Variants in ISY1 observed in about 807,000 individuals in gnomAD.
ISY1 encodes pre-mRNA-splicing factor ISY1 homolog.
Under a neutral mutation model 54.4 loss-of-function variants are expected in ISY1, and 12 were observed. The observed-to-expected ratio is 0.22, with a 90% confidence interval of 0.14 to 0.36. The LOEUF is 0.36. ISY1 is among the 10% of genes least tolerant of loss of function. The probability of loss-of-function intolerance (pLI) is 1.00; values close to 1 mark genes in which losing one functional copy is unlikely to be tolerated. For missense variants in ISY1, 282 were observed against 342.2 expected (o/e 0.82, Z 1.39); for synonymous variants, 96 against 117.9 (o/e 0.81, Z 1.20).
intron 7 of ISY1, among the ~76,000 whole-genome samples, chr3:129,139,240 T>A (rs2107605697): frequency 6.6e-6 from 1 of 152,224 alleles, no homozygotes; most frequent in African/African-American, 2.4e-5. Context: ...TGGCTATAAC[T>A]CCTCTGTAGT....
intron 7 of ISY1, among the ~76,000 whole-genome samples, chr3:129,138,940 CT>C (rs925183736): frequency 5.1e-4 from 77 of 151,194 alleles, no homozygotes; most frequent in African/African-American, 1.7e-3. Flanking sequence ...TATTTTATAA[CT>C]TTTTTTTGTT....
chr3:129,129,824 A>G lies in ISY1; in HGVS notation c.*257T>C, dbSNP rs561192814. 81 of 343,756 alleles carry G rather than the reference A, an allele frequency of 2.4e-4. No homozygotes were observed. Among genetic ancestry groups the G allele is most frequent in the African/African-American group, 1.6e-3 (75 of 47,602 alleles). The allele number at this position is 343,756 out of a possible 1,614,324, so 21.3% of individuals were successfully genotyped here. On this transcript the variant is annotated 3_prime_UTR_variant, in exon 11 of 11. Coordinates refer to ENST00000393295, the MANE Select transcript of ISY1 (RefSeq NM_020701.4). ...GGCAGTGCAAGTCAAAATAAGACAC[A>G]GGCAGCCAGTTCGCAACCTGTTGTA...
At chr3:129,153,797 A>C (rs940889207) in intron 5 of ISY1, among the ~76,000 whole-genome samples, 1 of 151,916 alleles carries the variant, frequency 6.6e-6, no homozygotes, top group Non-Finnish European at 1.5e-5. Flanking sequence ...AAACAAAACA[A>C]AACAAAACAA....
In ISY1 at chr3:129,129,769, GCCACTAATTGATTCTT is replaced by G. The variant is rs1936186247; in HGVS notation, c.*296_*311del. The G allele has an allele frequency of 4.0e-6, 1 of 251,230 alleles. No individual in the cohort carries two copies. Among genetic ancestry groups the G allele is most frequent in the Admixed American group, 5.5e-5 (1 of 18,278 alleles). The allele number at this position is 251,230 out of a possible 1,614,324, so 15.6% of individuals were successfully genotyped here. On this transcript the variant is annotated 3_prime_UTR_variant, in exon 11 of 11. Coordinates refer to ENST00000393295, the MANE Select transcript of ISY1 (RefSeq NM_020701.4). The stretch of plus-strand genomic sequence containing the variant: ...CAAAAAATTGCATTTTTAAATGTTT[GCCACTAATTGATTCTT>G]CTCCCCTCAAAATGGCAGTGCAAGT...
intron 5 of ISY1, among the ~76,000 whole-genome samples, chr3:129,146,298 A>C (rs1166232392): frequency 6.6e-6 from 1 of 152,152 alleles, no homozygotes; most frequent in Admixed American, 6.6e-5. Context: ...TCAGGAAAGC[A>C]ATGTATTGCT....
intron 7 of ISY1, among the ~76,000 whole-genome samples, chr3:129,139,101 T>A (rs1936527533): frequency 6.6e-6 from 1 of 151,480 alleles, no homozygotes; most frequent in Admixed American, 6.6e-5. Flanking sequence ...GCCCAGCTAA[T>A]TTTTTTTGTA....
At chr3:129,136,693 T>TC (rs1191405822) in intron 7 of ISY1, among the ~76,000 whole-genome samples, 1 of 137,032 alleles carries the variant, frequency 7.3e-6, no homozygotes, top group Non-Finnish European at 1.6e-5. Context: ...TTCTTCTTCT[T>TC]TTTTTTTTTT....
chr3:129,157,070 CT>C, intron 3 of ISY1, 150 bp from the exon 4 acceptor site: 1 of 823,864 alleles, frequency 1.2e-6, no homozygotes. Context: ...AGCCTTAAAC[CT>C]CATTCTACAA....
rs936963495 is a variant in ISY1, at chr3:129,157,525, T to C, written c.79-605A>G. On this transcript the variant is annotated intron_variant, in intron 3 of 10. Coordinates refer to ENST00000393295, the MANE Select transcript of ISY1 (RefSeq NM_020701.4). ...CCTGAGGCCTGGAGTTTGAGACCAG[T>C]CTGGCCAACATGGTGAAACCCCATC... is the stretch of plus-strand genomic sequence containing the variant. Among the ~76,000 whole-genome samples, 4 of 151,776 alleles carry C rather than the reference T, an allele frequency of 2.6e-5. No homozygotes were observed. The East Asian group carries it at 7.7e-4, about 29-fold the overall frequency.
rs1225166245 is a variant in ISY1 at position 129,128,070 on chromosome 3, ACC to A, written c.*2009_*2010del. On this transcript the variant is annotated 3_prime_UTR_variant, in exon 11 of 11. Transcript: ENST00000393295. ...CTGCCCAAACCACAGGACTGCCCAG[ACC>A]CCAGAGCAAACTGAGACAGCACAGG... 6.6e-6 allele frequency: 1 copy of A among 152,484 alleles called. No homozygotes were observed. Among genetic ancestry groups the A allele is most frequent in the East Asian group, 1.9e-4 (1 of 5,160 alleles). The allele number at this position is 152,484 out of a possible 1,614,324, so 9.4% of individuals were successfully genotyped here.
chr3:129,139,435 T>C (rs1266628054), intron 7 of ISY1, among the ~76,000 whole-genome samples: 3 of 152,134 alleles, frequency 2.0e-5, no homozygotes, highest in Non-Finnish European at 4.4e-5. Context: ...TATAACAAAA[T>C]GCTAATAATG....
intron 7 of ISY1, among the ~76,000 whole-genome samples, chr3:129,135,571 G>C (rs750661928): frequency 9.9e-5 from 15 of 151,546 alleles, no homozygotes; most frequent in Non-Finnish European, 1.8e-4. Context: ...CAAGACCAGC[G>C]TGGCCAATAT....
intron 7 of ISY1, among the ~76,000 whole-genome samples, chr3:129,139,125 C>T (rs1485434632): frequency 6.6e-6 from 1 of 151,798 alleles, no homozygotes; most frequent in African/African-American, 2.4e-5. Flanking sequence ...TTAGTAGAGA[C>T]AGGGTTTCAC....
rs770380063 is a variant in ISY1, at chr3:129,130,590, T to C, written c.710A>G (p.Gln237Arg). 1.9e-6 allele frequency: 3 copies of C among 1,614,224 alleles called. No homozygotes were observed. Among genetic ancestry groups the C allele is most frequent in the African/African-American group, 1.3e-5 (1 of 75,056 alleles). ...AACAGGGACGTGAGCAATGAACTTC[T>C]GCTGGCTGTCGTCCCCTCCTTTCTC... is the stretch of plus-strand genomic sequence containing the variant. The part of the protein sequence containing the change: ...SQEKGGDDSQ[Q>R]KFIAHVPVPS... The change falls in exon 10 of 11, where the codon CAG (glutamine) becomes CGG (arginine). Residue 237 changes from glutamine to arginine, a missense_variant. By Grantham distance (43) the Gln-to-Arg change is conservative. Coordinates refer to ENST00000393295, the MANE Select transcript of ISY1 (RefSeq NM_020701.4).
chr3:129,153,486 T>C (rs912454747), intron 5 of ISY1, among the ~76,000 whole-genome samples: 1 of 152,032 alleles, frequency 6.6e-6, no homozygotes. Flanking sequence ...GTTGTAACAA[T>C]CAAAAATTTC....
intron 7 of ISY1, 35 bp from the exon 8 acceptor site, chr3:129,134,989 T>C (rs1374697979): frequency 2.5e-6 from 4 of 1,580,988 alleles, no homozygotes; most frequent in Non-Finnish European, 2.6e-6. Context: ...AGTTTCCAAG[T>C]CATAATCACA....
At chr3:129,156,985 T>C (rs577904837) in intron 3 of ISY1, 65 bp from the exon 4 acceptor site, 3 of 1,578,560 alleles carry the variant, frequency 1.9e-6, no homozygotes, top group East Asian at 4.5e-5. Context: ...CATTCAGAAC[T>C]GATTCAGGCC....
intron 6 of ISY1, among the ~76,000 whole-genome samples, chr3:129,141,844 A>T (rs1361462467): frequency 6.6e-6 from 1 of 152,134 alleles, no homozygotes; most frequent in Non-Finnish European, 1.5e-5. Context: ...AAAGATTACA[A>T]ACAACCTATA....
intron 5 of ISY1, among the ~76,000 whole-genome samples, chr3:129,151,612 G>C (rs1936972594): frequency 6.6e-6 from 1 of 152,092 alleles, no homozygotes; most frequent in Admixed American, 6.6e-5. Flanking sequence ...CTGGGTGACA[G>C]AGCGAGACTC....
Sources: allele counts gnomAD v4.1 joint callset (sites outside exome capture counted in the v4.1 genomes callset), GRCh38; gene constraint gnomAD v4.1.1; transcripts MANE v1.5; gene names NCBI Gene and HGNC (gene_info 2026-07-23, HGNC 2026-07-21).